Variants in TMEM51 observed in about 807,000 individuals in gnomAD.
TMEM51 encodes chromosome 1 open reading frame 72.
In TMEM51, 8 loss-of-function variants were observed where a neutral mutation model predicts 13.6. That is an observed-to-expected ratio of 0.59 (90% CI 0.35 to 1.07). TMEM51 has a LOEUF of 1.07. Among genes scored for constraint, TMEM51 ranks in the 50% least tolerant of loss-of-function variants. The pLI, the probability that TMEM51 is intolerant of heterozygous loss-of-function variation, is 0.02. For synonymous variants in TMEM51, 147 were observed against 144.4 expected (o/e 1.02, Z -0.13); for missense variants, 279 against 330.7 (o/e 0.84, Z 1.21).
At chr1:15,187,472 A>G (rs1019227621) in intron 1 of TMEM51, among the ~76,000 whole-genome samples, 1 of 152,158 alleles carries the variant, frequency 6.6e-6, no homozygotes, top group East Asian at 1.9e-4. Flanking sequence ...TGATGCCTGT[A>G]GGTCCTAGTA....
chr1:15,192,541 G>T (rs1399441116), intron 1 of TMEM51: 1 of 177,368 alleles, frequency 5.6e-6, no homozygotes, highest in African/African-American at 2.6e-5. Flanking sequence ...TGCAACCTCC[G>T]CCTCCCGGGT....
rs568969582 is a variant in TMEM51 at position 15,180,351 on chromosome 1, A to T, written c.-267+26397A>T. On this transcript the variant is annotated intron_variant, in intron 1 of 3. Transcript: ENST00000376008. The stretch of plus-strand genomic sequence containing the variant: ...CTCAGTCACCAGGCAGATCCTGGCC[A>T]TGTGCCGGGCATCACAGGGCCCGCT... Among the ~76,000 whole-genome samples the T allele has an allele frequency of 1.7e-4, 26 of 152,376 alleles. No homozygotes were observed. The South Asian group carries it at 2.3e-3, about 13-fold the overall frequency.
intron 1 of TMEM51, among the ~76,000 whole-genome samples, chr1:15,208,931 A>G (rs1463107557): frequency 6.6e-6 from 1 of 152,178 alleles, no homozygotes; most frequent in Non-Finnish European, 1.5e-5. Context: ...TATTTCAGTC[A>G]TTCAAAAGAG....
intron 1 of TMEM51, among the ~76,000 whole-genome samples, chr1:15,180,481 C>G (rs949872769): frequency 6.6e-6 from 1 of 152,166 alleles, no homozygotes; most frequent in Non-Finnish European, 1.5e-5. Flanking sequence ...GTTTCTGCCT[C>G]CCTGGAAGCC....
At chr1:15,155,952 C>A (rs1642578104) in intron 1 of TMEM51, among the ~76,000 whole-genome samples, 1 of 152,096 alleles carries the variant, frequency 6.6e-6, no homozygotes, top group Non-Finnish European at 1.5e-5. Context: ...GGCGAGGATC[C>A]TAGAGAAGAC....
chr1:15,210,051 G>A (rs1314638894), intron 1 of TMEM51, among the ~76,000 whole-genome samples: 1 of 152,104 alleles, frequency 6.6e-6, no homozygotes, highest in Non-Finnish European at 1.5e-5. Context: ...AGGGAGGAAG[G>A]GAGGGAGACG....
chr1:15,153,288 G>C (rs1482185641), upstream of TMEM51, among the ~76,000 whole-genome samples: 2 of 152,254 alleles, frequency 1.3e-5, no homozygotes, highest in East Asian at 3.9e-4. Context: ...GCTGTGCCTC[G>C]GCGTCTGCGC....
At position 15,220,123 on chromosome 1, in the gene TMEM51, T is replaced by A; in HGVS notation, c.*380T>A. 4.8e-6 allele frequency: 1 copy of A among 210,486 alleles called. No individual in the cohort carries two copies. The highest frequency in any genetic ancestry group is 9.6e-6 in the Non-Finnish European group (1 of 103,850). 13.0% of individuals were successfully genotyped at this position (210,486 alleles called of 1,614,324 possible). On this transcript the variant is annotated 3_prime_UTR_variant, in exon 4 of 4. Transcript: ENST00000376008. ...TTTGTTTTGCTTCTACTAAGACTGTTTTGTTTCAAAAAGGAAACAAGTTTT... is the reference window on the plus strand; with the variant it reads ...TTTGTTTTGCTTCTACTAAGACTGTATTGTTTCAAAAAGGAAACAAGTTTT...
At chr1:15,206,818 C>T (rs1302862512) in intron 1 of TMEM51, among the ~76,000 whole-genome samples, 1 of 152,134 alleles carries the variant, frequency 6.6e-6, no homozygotes, top group Admixed American at 6.5e-5. Flanking sequence ...AGCCCTCCTC[C>T]CAGCTCCCCT....
chr1:15,193,747 G>A (rs1357983261), intron 1 of TMEM51, among the ~76,000 whole-genome samples: 1 of 152,080 alleles, frequency 6.6e-6, no homozygotes, highest in Non-Finnish European at 1.5e-5. Context: ...AGTAGAGACA[G>A]GGTTTCACCA....
chr1:15,192,004 T>C, intron 1 of TMEM51: 1 of 532,950 alleles, frequency 1.9e-6, no homozygotes, highest in Non-Finnish European at 3.8e-6. Context: ...CGATGTTCCT[T>C]CAGTTGTTGC....
At chr1:15,186,091 A>G (rs1410959115) in intron 1 of TMEM51, among the ~76,000 whole-genome samples, 3 of 152,176 alleles carry the variant, frequency 2.0e-5, no homozygotes, top group Non-Finnish European at 2.9e-5. Context: ...CCTCCCACTC[A>G]GCCAGTAGAG....
intron 1 of TMEM51, among the ~76,000 whole-genome samples, chr1:15,209,115 G>A (rs912465098): frequency 1.5e-4 from 23 of 152,044 alleles, no homozygotes; most frequent in African/African-American, 5.1e-4. Context: ...TGTCACCCAG[G>A]CTATAGTGCA....
chr1:15,160,263 G>T (rs536089204), intron 1 of TMEM51, among the ~76,000 whole-genome samples: 9 of 152,116 alleles, frequency 5.9e-5, no homozygotes, highest in Non-Finnish European at 1.0e-4. Context: ...GAGGGAAAAT[G>T]ACTTTATTTT....
intron 1 of TMEM51, among the ~76,000 whole-genome samples, chr1:15,193,346 T>G (rs74713873): frequency 6.6e-6 from 1 of 152,264 alleles, no homozygotes; most frequent in Non-Finnish European, 1.5e-5. Context: ...CCTTCTGTCT[T>G]GGGATAAACC....
chr1:15,157,569 C>A (rs183057486), intron 1 of TMEM51, among the ~76,000 whole-genome samples: 1 of 152,304 alleles, frequency 6.6e-6, no homozygotes, highest in African/African-American at 2.4e-5. Flanking sequence ...CCAAGATCCC[C>A]TTTCTGTCTG....
chr1:15,174,365 C>T (rs1270459883), intron 1 of TMEM51, among the ~76,000 whole-genome samples: 1 of 152,214 alleles, frequency 6.6e-6, no homozygotes, highest in African/African-American at 2.4e-5. Context: ...ACCTCAGCCT[C>T]CTGAGTAGCT....
Position 15,177,888 on chromosome 1 carries a change from C to G in TMEM51, c.-267+23934C>G, listed in dbSNP as rs572396535. Among the ~76,000 whole-genome samples, 8 of 152,320 alleles carry G rather than the reference C, an allele frequency of 5.3e-5. 1 individual carries two copies. In the East Asian group the frequency reaches 1.4e-3, roughly 26 times the overall value. ...AGCATAACAACCGCGCATAGCATGC[C>G]TAACGTCACGCGAAGTCTTCTAACC... On this transcript the variant is annotated intron_variant, in intron 1 of 3. Coordinates refer to ENST00000376008, the MANE Select transcript of TMEM51 (RefSeq NM_001136218.2).
upstream of TMEM51, chr1:15,152,909 C>G (rs896460902): frequency 2.6e-5 from 4 of 152,242 alleles, no homozygotes; most frequent in African/African-American, 9.6e-5. Flanking sequence ...GCTGGGAAAA[C>G]GCCAGCCGGT....
Sources: allele counts gnomAD v4.1 joint callset (sites outside exome capture counted in the v4.1 genomes callset), GRCh38; gene constraint gnomAD v4.1.1; transcripts MANE v1.5; gene names NCBI Gene and HGNC (gene_info 2026-07-23, HGNC 2026-07-21).